ZFP42: variants seen among roughly 807,000 people sequenced by gnomAD.
ZFP42 encodes ZFP42 zinc finger protein.
For missense variants in ZFP42, 438 were observed against 377.1 expected, an observed-to-expected ratio of 1.16 and a Z score of -1.34; for synonymous variants, 175 against 144.6, an observed-to-expected ratio of 1.21 and a Z score of -1.51.
rs1733903128 is a variant in ZFP42, at chr4:188,003,152, C to T, written c.345C>T (p.Ser115=). Residue 115 remains serine (S), a synonymous_variant, in exon 4 of 4, where the codon TCC becomes TCT. Transcript: ENST00000326866. ...CTCAAAAGGTTTTCGAAGCAAGCTC[C>T]CTTGAATGTTCTTTGGAATACATGA... ...QLSQKVFEAS[S]LECSLEYMKK... 6.2e-7 allele frequency: 1 copy of T among 1,613,990 alleles called. No individual in the cohort carries two copies. The highest frequency in any genetic ancestry group is 2.2e-5 in the East Asian group (1 of 44,866).
chr4:187,998,239 C>T (rs564161672), intron 1 of ZFP42, among the ~76,000 whole-genome samples: 7 of 151,904 alleles, frequency 4.6e-5, no homozygotes, highest in East Asian at 3.9e-4. Context: ...AGGAGGCTGA[C>T]GCGGGAGAAT....
intron 1 of ZFP42, among the ~76,000 whole-genome samples, chr4:187,997,360 A>T (rs1303537683): frequency 1.4e-5 from 2 of 148,016 alleles, no homozygotes; most frequent in Admixed American, 1.4e-4. Context: ...CGGCCTCCCG[A>T]GTAGCTGGGA....
chr4:187,997,008 T>C (rs1309509116), intron 1 of ZFP42, among the ~76,000 whole-genome samples: 1 of 15,322 alleles, frequency 6.5e-5, no homozygotes, highest in Non-Finnish European at 9.5e-5. Context: ...GCATGGAGCG[T>C]GGAGCGTGGA....
intron 1 of ZFP42, among the ~76,000 whole-genome samples, chr4:187,996,608 C>T (rs1023314226): frequency 6.6e-6 from 1 of 152,080 alleles, no homozygotes; most frequent in Admixed American, 6.6e-5. Flanking sequence ...CCGCGCCGGG[C>T]GAGACTCATT....
At chr4:187,996,146 AAT>A (rs1190742317) in intron 1 of ZFP42, among the ~76,000 whole-genome samples, 1 of 147,248 alleles carries the variant, frequency 6.8e-6, no homozygotes, top group East Asian at 2.2e-4. Flanking sequence ...ACTTCATGTA[AAT>A]ATGTTTCCTT....
intron 3 of ZFP42, among the ~76,000 whole-genome samples, chr4:188,000,920 C>T (rs1291186624): frequency 6.6e-6 from 1 of 152,034 alleles, no homozygotes; most frequent in East Asian, 1.9e-4. Flanking sequence ...CACTTGAACC[C>T]CAGAGGCGGA....
At position 187,996,142 on chromosome 4, in the gene ZFP42, TGTAAATA is replaced by T. The variant is rs199835711; in HGVS notation, c.-339+303_-339+309del. Among the ~76,000 whole-genome samples, 631 of 150,012 alleles carry T rather than the reference TGTAAATA, an allele frequency of 4.2e-3. 4 individuals carry two copies. Among genetic ancestry groups the T allele is most frequent in the African/African-American group, 0.015 (600 of 40,714 alleles). ...TTTTTTATTTTATTTCAAAACTTCA[TGTAAATA>T]TGTTTCCTTACAATATCTGGCTAAG... On this transcript the variant is annotated intron_variant, in intron 1 of 3. Coordinates refer to ENST00000326866, the MANE Select transcript of ZFP42 (RefSeq NM_174900.5).
At position 188,003,747 on chromosome 4, in the gene ZFP42, A is replaced by G; in HGVS notation, c.*7A>G. 6.2e-7 allele frequency: 1 copy of G among 1,602,242 alleles called. No homozygotes were observed. The highest frequency in any genetic ancestry group is 2.2e-5 in the East Asian group (1 of 44,632). On this transcript the variant is annotated 3_prime_UTR_variant, in exon 4 of 4. Coordinates refer to ENST00000326866, the MANE Select transcript of ZFP42 (RefSeq NM_174900.5). ...TGAACAAGAGGGAAAGTAGTCCTCC[A>G]ACAGGATGAAGCAGATTAACAGAAG...
rs1307130507 is a variant in ZFP42, at chr4:188,002,953, TA to T, written c.147del (p.Leu49PhefsTer25). The T allele has an allele frequency of 1.2e-6, 2 of 1,613,964 alleles. No individual in the cohort carries two copies. Among genetic ancestry groups the T allele is most frequent in the Non-Finnish European group, 1.7e-6 (2 of 1,180,034 alleles). Reference protein sequence around the residue: ...EIEPVSAVWALCDGYVCYEPG... With the variant: ...EIEPVSAVWAXCDGYVCYEPG... Reference sequence around the variant, plus strand: ...GAACCTGTCAGCGCGGTGTGGGCCTTATGTGATGGCTATGTGTGCTATGAGC... The same window carrying T: ...GAACCTGTCAGCGCGGTGTGGGCCTTTGTGATGGCTATGTGTGCTATGAGC... On this transcript the variant is annotated frameshift_variant, in exon 4 of 4. Transcript: ENST00000326866. LOFTEE classifies it low-confidence loss of function (END_TRUNC).
chr4:188,002,604 T>C (rs1242864400), intron 3 of ZFP42, 109 bp from the exon 4 acceptor site: 6 of 583,456 alleles, frequency 1.0e-5, no homozygotes, highest in Non-Finnish European at 1.8e-5. Flanking sequence ...TCTTGGTTAG[T>C]TTATCAGAGA....
At chr4:188,005,099 T>C (rs919301489), downstream of ZFP42, 2 of 167,068 alleles carry the variant, frequency 1.2e-5, no homozygotes, top group Middle Eastern at 3.1e-3. Context: ...TGAAAAGAGA[T>C]ACCATTTATT....
Position 188,002,926 on chromosome 4 carries a change from T to C in ZFP42, c.119T>C (p.Ile40Thr). The C allele has an allele frequency of 2.5e-6, 4 of 1,614,058 alleles. No homozygotes were observed. Among genetic ancestry groups the C allele is most frequent in the African/African-American group, 1.3e-5 (1 of 75,008 alleles). The change falls in exon 4 of 4, where the codon ATA (isoleucine) becomes ACA (threonine). Residue 40 changes from isoleucine to threonine, a missense_variant. Ile to Thr is a moderately conservative substitution (Grantham distance 89). Coordinates refer to ENST00000326866, the MANE Select transcript of ZFP42 (RefSeq NM_174900.5). ...TCAAGCCAAGACCTGCAGGCGGAAA[T>C]AGAACCTGTCAGCGCGGTGTGGGCC... is the stretch of plus-strand genomic sequence containing the variant. Reference protein sequence around the residue: ...GKSSQDLQAEIEPVSAVWALC... With the variant: ...GKSSQDLQAETEPVSAVWALC...
At chr4:188,000,492 TCTC>T (rs928935698) in intron 3 of ZFP42, among the ~76,000 whole-genome samples, 1 of 152,100 alleles carries the variant, frequency 6.6e-6, no homozygotes, top group African/African-American at 2.4e-5. Flanking sequence ...GCTCAAGTGA[TCTC>T]CTGCCAGTAG....
At chr4:188,002,673 C>G in intron 3 of ZFP42, 40 bp from the exon 4 acceptor site, 3 of 733,086 alleles carry the variant, frequency 4.1e-6, no homozygotes, top group South Asian at 1.9e-5. Context: ...GGCTCTAATA[C>G]TGGAATCTAT....
chr4:187,997,929 T>C lies in ZFP42; in HGVS notation c.-338-1179T>C, dbSNP rs115070755. Among the ~76,000 whole-genome samples, 254 of 152,356 alleles carry C rather than the reference T, an allele frequency of 1.7e-3. 3 individuals are homozygous for C. Among genetic ancestry groups the C allele is most frequent in the African/African-American group, 5.9e-3 (247 of 41,584 alleles). ...AAAAGTTTTTAAACAGACAAAATTT[T>C]ACAGAATAAGAATATAAAGAAAAAA... On this transcript the variant is annotated intron_variant, in intron 1 of 3. Transcript: ENST00000326866.
intron 1 of ZFP42, among the ~76,000 whole-genome samples, chr4:187,998,514 T>C (rs534924694): frequency 6.6e-6 from 1 of 152,200 alleles, no homozygotes; most frequent in Non-Finnish European, 1.5e-5. Flanking sequence ...CAACACTCAC[T>C]CACTCACTCA....
At chr4:187,997,523 G>A (rs1338975328) in intron 1 of ZFP42, among the ~76,000 whole-genome samples, 1 of 151,266 alleles carries the variant, frequency 6.6e-6, no homozygotes, top group African/African-American at 2.4e-5. Flanking sequence ...CACCGCTCCC[G>A]GTCCCACCCC....
chr4:187,996,167 T>C (rs1363109916), intron 1 of ZFP42, among the ~76,000 whole-genome samples: 1 of 120,230 alleles, frequency 8.3e-6, no homozygotes, highest in Non-Finnish European at 1.7e-5. Context: ...TTACAATATC[T>C]GGCTAAGTCT....
chr4:188,003,615 A>C lies in ZFP42; in HGVS notation c.808A>C (p.Thr270Pro), dbSNP rs1380806609. ...TTTGCGTACGCACGTGCGCATCCACACGGGGGAGAAACGTTTCGTGTGTCC... is the reference window on the plus strand; with the variant it reads ...TTTGCGTACGCACGTGCGCATCCACCCGGGGGAGAAACGTTTCGTGTGTCC... Reference protein sequence around the residue: ...FNLRTHVRIHTGEKRFVCPFQ... With the variant: ...FNLRTHVRIHPGEKRFVCPFQ... Residue 270 changes from threonine (T) to proline (P), a missense_variant, in exon 4 of 4, where the codon ACG (threonine) becomes CCG (proline). Physicochemically the swap from Thr to Pro is conservative, Grantham distance 38. Coordinates refer to ENST00000326866, the MANE Select transcript of ZFP42 (RefSeq NM_174900.5). 6.2e-7 allele frequency: 1 copy of C among 1,613,308 alleles called. No homozygotes were observed. Among genetic ancestry groups the C allele is most frequent in the Non-Finnish European group, 8.5e-7 (1 of 1,180,032 alleles).
Sources: gnomAD v4.1 joint callset for allele counts (sites outside exome capture counted in the v4.1 genomes callset) on GRCh38, gnomAD v4.1.1 for gene constraint, MANE v1.5 for transcripts, NCBI Gene and HGNC (gene_info 2026-07-23, HGNC 2026-07-21) for gene names.